Variants in KCNN2 observed in about 807,000 individuals in gnomAD.
KCNN2 encodes the protein small conductance calcium-activated potassium channel protein 2.
KCNN2 carries 24 observed loss-of-function variants against 55.5 expected under a neutral mutation model. The observed-to-expected ratio is 0.43, with a 90% CI of 0.31 to 0.61. The LOEUF is 0.61. KCNN2 is among the 20% of genes least tolerant of loss of function. The pLI is 0.08. For synonymous variants in KCNN2, 431 were observed against 336.1 expected (o/e 1.28, Z -3.09); for missense variants, 754 against 853.6 (o/e 0.88, Z 1.45).
intron 2 of KCNN2, among the ~76,000 whole-genome samples, chr5:114,305,238 G>C (rs1281443795): frequency 3.3e-5 from 5 of 152,180 alleles, no homozygotes; most frequent in African/African-American, 4.8e-5. Context: ...GGTGCAGTTA[G>C]TTGCAGCTTC....
intron 2 of KCNN2, among the ~76,000 whole-genome samples, chr5:114,227,282 G>GT (rs1754255873): frequency 6.6e-6 from 1 of 152,040 alleles, no homozygotes; most frequent in Non-Finnish European, 1.5e-5. Flanking sequence ...ACTTACTTTT[G>GT]TTTTTGCTGT....
chr5:114,060,934 C>T (rs1042784118), intron 1 of KCNN2, among the ~76,000 whole-genome samples: 16 of 152,216 alleles, frequency 1.1e-4, no homozygotes, highest in African/African-American at 3.9e-4. Context: ...GGCCAGTGCT[C>T]TGGCAGTGGA....
chr5:114,358,942 T>C, upstream of KCNN2, among the ~76,000 whole-genome samples: 1 of 152,232 alleles, frequency 6.6e-6, no homozygotes, highest in Non-Finnish European at 1.5e-5. Flanking sequence ...TATAACCTAA[T>C]AGTGTAAAAT....
intron 1 of KCNN2, among the ~76,000 whole-genome samples, chr5:114,195,008 A>C (rs1753523976): frequency 6.6e-6 from 1 of 151,878 alleles, no homozygotes; most frequent in South Asian, 2.1e-4. Context: ...TATAGTGTAA[A>C]GGTTTTGTTG....
At chr5:114,423,987 G>A (rs956018271) in intron 3 of KCNN2, among the ~76,000 whole-genome samples, 2 of 152,156 alleles carry the variant, frequency 1.3e-5, no homozygotes, top group Admixed American at 6.5e-5. Flanking sequence ...ATGAAGAAGG[G>A]TTGCAGTTGG....
chr5:114,129,817 T>G (rs1752034835), intron 1 of KCNN2, among the ~76,000 whole-genome samples: 1 of 152,242 alleles, frequency 6.6e-6, no homozygotes, highest in African/African-American at 2.4e-5. Context: ...GAATCCAAAA[T>G]GGATCTGAGG....
intron 2 of KCNN2, among the ~76,000 whole-genome samples, chr5:114,295,715 A>T (rs1032040742): frequency 1.3e-5 from 2 of 152,002 alleles, no homozygotes; most frequent in Non-Finnish European, 2.9e-5. Flanking sequence ...ACTTTCCTGC[A>T]CCCACTGTCT....
chr5:114,360,227 A>C (rs1580745911), upstream of KCNN2, among the ~76,000 whole-genome samples: 1 of 152,298 alleles, frequency 6.6e-6, no homozygotes. Context: ...TGCACACACA[A>C]AAAATTAAAA....
intron 1 of KCNN2, among the ~76,000 whole-genome samples, chr5:114,194,494 CT>C (rs1360885657): frequency 6.6e-6 from 1 of 151,882 alleles, no homozygotes; most frequent in African/African-American, 2.4e-5. Flanking sequence ...ATTTGTGTAT[CT>C]TTTTTGGAGA....
chr5:114,447,240 C>G (rs952718992), intron 3 of KCNN2, among the ~76,000 whole-genome samples: 10 of 152,178 alleles, frequency 6.6e-5, no homozygotes, highest in African/African-American at 1.7e-4. Flanking sequence ...AATTCTTAGC[C>G]TGATTGGTAG....
chr5:114,129,094 C>A (rs1000401202), intron 1 of KCNN2, among the ~76,000 whole-genome samples: 13 of 152,120 alleles, frequency 8.5e-5, no homozygotes, highest in Non-Finnish European at 1.6e-4. Flanking sequence ...ACCCCTAGAT[C>A]TTAAGGAAGG....
intron 2 of KCNN2, among the ~76,000 whole-genome samples, chr5:114,233,800 C>G (rs1366081972): frequency 6.6e-6 from 1 of 152,132 alleles, no homozygotes; most frequent in Non-Finnish European, 1.5e-5. Context: ...TGCTTTTGTT[C>G]TAATTCTTCT....
intron 2 of KCNN2, among the ~76,000 whole-genome samples, chr5:114,288,531 T>C (rs4267862): frequency 0.3 from 25,580 of 84,554 alleles, 3,698 homozygotes; most frequent in East Asian, 0.83. Context: ...CACACACACA[T>C]ACACATAGAT....
chr5:114,244,227 G>A (rs1476603928), intron 2 of KCNN2, among the ~76,000 whole-genome samples: 1 of 152,070 alleles, frequency 6.6e-6, no homozygotes, highest in Non-Finnish European at 1.5e-5. Flanking sequence ...TTTCCTGTTG[G>A]AGCACGCAGT....
intron 5 of KCNN2, among the ~76,000 whole-genome samples, chr5:114,479,976 A>C (rs13168840): frequency 0.39 from 58,662 of 151,896 alleles, 12,782 homozygotes; most frequent in Non-Finnish European, 0.49. Flanking sequence ...AAGAACAAAC[A>C]AACCCCAAAG....
At chr5:114,360,544 G>T (rs527468710), upstream of KCNN2, among the ~76,000 whole-genome samples, 3 of 152,280 alleles carry the variant, frequency 2.0e-5, no homozygotes, top group African/African-American at 7.2e-5. Flanking sequence ...CTTCTTTAGG[G>T]GGAGACGGGA....
At chr5:114,463,480 C>T (rs1275629880) in intron 4 of KCNN2, among the ~76,000 whole-genome samples, 1 of 152,202 alleles carries the variant, frequency 6.6e-6, no homozygotes, top group Non-Finnish European at 1.5e-5. Flanking sequence ...TCAGGAAGTC[C>T]TTTAAGACTG....
chr5:114,095,157 T>C (rs1751230225), intron 1 of KCNN2, among the ~76,000 whole-genome samples: 1 of 152,148 alleles, frequency 6.6e-6, no homozygotes, highest in Non-Finnish European at 1.5e-5. Context: ...ACTATGTTTG[T>C]GGTAATTTCA....
intron 5 of KCNN2, among the ~76,000 whole-genome samples, chr5:114,474,609 T>A (rs1475809068): frequency 6.6e-6 from 1 of 152,204 alleles, no homozygotes; most frequent in Non-Finnish European, 1.5e-5. Flanking sequence ...CATATGAGAT[T>A]AGACTACATC....
Sources: allele counts gnomAD v4.1 joint callset (sites outside exome capture counted in the v4.1 genomes callset), GRCh38; gene constraint gnomAD v4.1.1; transcripts MANE v1.5; gene names NCBI Gene and HGNC (gene_info 2026-07-23, HGNC 2026-07-21).